Variants in DBX2 observed in about 807,000 individuals in gnomAD.
DBX2 encodes developing brain homeobox 2, also known as homeobox protein DBX2.
In DBX2, 16 loss-of-function variants were observed where a neutral mutation model predicts 17.7. That is an observed-to-expected ratio of 0.90 (90% CI 0.61 to 1.37). The LOEUF (loss-of-function observed/expected upper bound fraction) is 1.37, where lower values mean the gene tolerates loss of function less well. DBX2 is among the 40% of genes most tolerant of loss of function. The probability of loss-of-function intolerance (pLI) is 0.00; values close to 1 mark genes in which losing one functional copy is unlikely to be tolerated. For missense variants in DBX2, 538 were observed against 433.8 expected (o/e 1.24, Z -2.13); for synonymous variants, 255 against 183.8 (o/e 1.39, Z -3.13).
At position 45,050,603 on chromosome 12, in the gene DBX2, T is replaced by C; in HGVS notation, c.325A>G (p.Ser109Gly). ...AGCCTCGCACTGTCCGCAGAGGGAC[T>C]GAGCACTTGAAAAGCCCACCGCGTT... ...YGTRWAFQVL[S>G]PSADSARLPG... Residue 109 changes from serine (S) to glycine (G), a missense_variant, in exon 1 of 4, where the codon AGT (serine) becomes GGT (glycine). Coordinates refer to ENST00000332700, the MANE Select transcript of DBX2 (RefSeq NM_001004329.3). The C allele has an allele frequency of 6.4e-7, 1 of 1,551,108 alleles. No individual in the cohort carries two copies. The highest frequency in any genetic ancestry group is 8.7e-7 in the Non-Finnish European group (1 of 1,147,650).
Position 45,036,045 on chromosome 12 carries a change from C to T in DBX2, c.473G>A (p.Arg158His), listed in dbSNP as rs757390727. Residue 158 changes from arginine (R) to histidine (H), a missense_variant, in exon 2 of 4, where the codon CGC (arginine) becomes CAC (histidine). Physicochemically the swap from Arg to His is conservative, Grantham distance 29 (BLOSUM62 0). Coordinates refer to ENST00000332700, the MANE Select transcript of DBX2 (RefSeq NM_001004329.3). ...TGGAAAAGCAGTGGAGGATGCAGGG[C>T]GCCGACAGGACCCACCGCAGCACGC... ...YSACCGGSCR[R>H]PASSTAFPRE... 47 of 1,613,352 alleles carry T rather than the reference C, an allele frequency of 2.9e-5. No homozygotes were observed. The highest frequency in any genetic ancestry group is 1.6e-4 in the Middle Eastern group (1 of 6,084).
intron 3 of DBX2, among the ~76,000 whole-genome samples, chr12:45,023,147 C>A (rs1052286619): frequency 3.3e-5 from 5 of 152,210 alleles, no homozygotes; most frequent in Admixed American, 2.0e-4. Flanking sequence ...TTATATGAAA[C>A]CTCAATGAAC....
chr12:45,039,277 G>GTATATATATA (rs58371508), intron 1 of DBX2, among the ~76,000 whole-genome samples: 6 of 90,300 alleles, frequency 6.6e-5, no homozygotes, highest in Non-Finnish European at 7.1e-5. Context: ...TGCATTGAAG[G>GTATATATATA]TATATATATA....
At chr12:45,030,284 G>A (rs1349759254) in intron 2 of DBX2, among the ~76,000 whole-genome samples, 1 of 152,132 alleles carries the variant, frequency 6.6e-6, no homozygotes, top group African/African-American at 2.4e-5. Flanking sequence ...CTAAACATCA[G>A]ACCAAGAGCA....
At chr12:45,050,163 G>T (rs1318339782) in intron 1 of DBX2, among the ~76,000 whole-genome samples, 1 of 152,186 alleles carries the variant, frequency 6.6e-6, no homozygotes, top group Non-Finnish European at 1.5e-5. Flanking sequence ...GACCGGGCAG[G>T]TTAGAAACGT....
At chr12:45,045,022 A>G (rs1377315680) in intron 1 of DBX2, among the ~76,000 whole-genome samples, 1 of 152,172 alleles carries the variant, frequency 6.6e-6, no homozygotes, top group Non-Finnish European at 1.5e-5. Flanking sequence ...TGTTAAGGCA[A>G]AAATCCAATT....
chr12:45,043,772 C>T (rs543171676), intron 1 of DBX2, among the ~76,000 whole-genome samples: 1 of 152,332 alleles, frequency 6.6e-6, no homozygotes, highest in East Asian at 1.9e-4. Flanking sequence ...GTTTCTTATA[C>T]ACAACGCCCC....
rs750858529 is a variant in DBX2, at chr12:45,050,959, G to T, written c.-32C>A. 1.9e-5 allele frequency: 27 copies of T among 1,387,950 alleles called. No individual in the cohort carries two copies. Among genetic ancestry groups the T allele is most frequent in the Non-Finnish European group, 2.5e-5 (27 of 1,071,300 alleles). 86.0% of individuals were successfully genotyped at this position (1,387,950 alleles called of 1,614,324 possible). ...GCGCCAACCGGTCTGCTGCGCGCCC[G>T]CCTTGCGCCCGCCTGTCGCCCGGGC... On this transcript the variant is annotated 5_prime_UTR_variant, in exon 1 of 4. Coordinates refer to ENST00000332700, the MANE Select transcript of DBX2 (RefSeq NM_001004329.3).
chr12:45,046,112 G>C (rs1169988318), intron 1 of DBX2, among the ~76,000 whole-genome samples: 2 of 152,148 alleles, frequency 1.3e-5, no homozygotes, highest in African/African-American at 4.8e-5. Context: ...GGGCAAAGGA[G>C]AGACAGAGAT....
Position 45,045,172 on chromosome 12 carries a change from G to C in DBX2, c.403+5353C>G, listed in dbSNP as rs79224948. Among the ~76,000 whole-genome samples the C allele has an allele frequency of 6.9e-3, 1,050 of 152,108 alleles. 17 individuals carry two copies. The highest frequency in any genetic ancestry group is 0.024 in the African/African-American group (1,006 of 41,508). The stretch of plus-strand genomic sequence containing the variant: ...TTCCTGACAGACTCCAGGTGTATTT[G>C]AACGAAAACTCAGTTATTTAAACTG... On this transcript the variant is annotated intron_variant, in intron 1 of 3. Coordinates refer to ENST00000332700, the MANE Select transcript of DBX2 (RefSeq NM_001004329.3).
At position 45,031,654 on chromosome 12, in the gene DBX2, G is replaced by A. The variant is rs74080461; in HGVS notation, c.499+4365C>T. Among the ~76,000 whole-genome samples the A allele has an allele frequency of 7.1e-3, 1,088 of 152,198 alleles. 10 individuals carry two copies. The highest frequency in any genetic ancestry group is 0.025 in the African/African-American group (1,032 of 41,536). ...ATACCTCTTAACCTGGTTTTTATATGAGAGCTTGTTCAATGTACCTTTTAA... is the reference window on the plus strand; with the variant it reads ...ATACCTCTTAACCTGGTTTTTATATAAGAGCTTGTTCAATGTACCTTTTAA... On this transcript the variant is annotated intron_variant, in intron 2 of 3. Coordinates refer to ENST00000332700, the MANE Select transcript of DBX2 (RefSeq NM_001004329.3).
Position 45,015,294 on chromosome 12 carries a change from G to A in DBX2, c.*992C>T, listed in dbSNP as rs1340040645. On this transcript the variant is annotated 3_prime_UTR_variant, in exon 4 of 4. Transcript: ENST00000332700. ...GAGTCCCTAACTAGAAGCGCAAACA[G>A]AAATCATCATTGATTCTGTTAGTAT... 4 of 152,176 alleles carry A rather than the reference G, an allele frequency of 2.6e-5. No homozygotes were observed. The highest frequency in any genetic ancestry group is 4.4e-5 in the Non-Finnish European group (3 of 68,024). The allele number at this position is 152,176 out of a possible 1,614,324, so 9.4% of individuals were successfully genotyped here.
chr12:45,019,337 A>T (rs1207323159), intron 3 of DBX2, among the ~76,000 whole-genome samples: 2 of 152,084 alleles, frequency 1.3e-5, no homozygotes, highest in Non-Finnish European at 2.9e-5. Context: ...CAATTCACAG[A>T]CTACAAATGG....
At chr12:45,041,130 AAATT>A (rs1231084882) in intron 1 of DBX2, among the ~76,000 whole-genome samples, 3 of 148,338 alleles carry the variant, frequency 2.0e-5, no homozygotes, top group African/African-American at 7.3e-5. Context: ...TAATATTAAT[AAATT>A]AATTAAAACT....
chr12:45,030,783 A>G (rs1237168618), intron 2 of DBX2, among the ~76,000 whole-genome samples: 3 of 152,240 alleles, frequency 2.0e-5, no homozygotes, highest in African/African-American at 4.8e-5. Context: ...GCACCACTGA[A>G]TCTAAACCTC....
At chr12:45,023,595 T>C (rs76920732) in intron 3 of DBX2, 112 bp downstream of exon 3, 1 of 1,226,370 alleles carries the variant, frequency 8.2e-7, no homozygotes, top group African/African-American at 1.5e-5. Context: ...TTCCATTGTG[T>C]GCCTTAAGAA....
rs1172311575 is a variant in DBX2 at position 45,049,372 on chromosome 12, G to GT, written c.403+1152dup. ...AATTTCCATAAACTTTGCCTTAACT[G>GT]TTTGTTCCTCTTTCAGGGTGCAAAA... On this transcript the variant is annotated intron_variant, in intron 1 of 3. Transcript: ENST00000332700. 3.3e-5 allele frequency among the ~76,000 whole-genome samples: 5 copies of GT among 152,224 alleles called. No homozygotes were observed. In the South Asian group the frequency reaches 8.3e-4, roughly 25 times the overall value.
chr12:45,046,322 T>C lies in DBX2; in HGVS notation c.403+4203A>G, dbSNP rs143094213. Among the ~76,000 whole-genome samples the C allele has an allele frequency of 3.1e-3, 476 of 152,218 alleles. 2 individuals are homozygous for C. Among genetic ancestry groups the C allele is most frequent in the African/African-American group, 0.011 (443 of 41,550 alleles). On this transcript the variant is annotated intron_variant, in intron 1 of 3. Transcript: ENST00000332700. ...ATATGGAAAGAATATGGTTCTGGTATTCTCAAAAAATTCCACCAAAGGATG... is the reference window on the plus strand; with the variant it reads ...ATATGGAAAGAATATGGTTCTGGTACTCTCAAAAAATTCCACCAAAGGATG...
intron 2 of DBX2, among the ~76,000 whole-genome samples, chr12:45,034,945 G>A (rs1409634184): frequency 6.6e-6 from 1 of 152,222 alleles, no homozygotes; most frequent in African/African-American, 2.4e-5. Context: ...TGAGTCGAGT[G>A]AAAGTGACGA....
Sources: allele counts gnomAD v4.1 joint callset (sites outside exome capture counted in the v4.1 genomes callset), GRCh38; gene constraint gnomAD v4.1.1; transcripts MANE v1.5; gene names NCBI Gene and HGNC (gene_info 2026-07-23, HGNC 2026-07-21).